MSRB3: variants seen among roughly 807,000 people sequenced by gnomAD.
MSRB3 encodes the protein methionine-R-sulfoxide reductase B3.
In MSRB3, 13 loss-of-function variants were observed where a neutral mutation model predicts 21.0. That is an observed-to-expected ratio of 0.62 (90% CI 0.40 to 0.98). MSRB3 has a LOEUF of 0.98. MSRB3 is among the 50% of genes least tolerant of loss of function. MSRB3 has a pLI of 0.00. For synonymous variants in MSRB3, 87 were observed against 88.6 expected (o/e 0.98, Z 0.10); for missense variants, 199 against 230.3 (o/e 0.86, Z 0.88).
chr12:65,323,576 G>A (rs1039940815), intron 2 of MSRB3, among the ~76,000 whole-genome samples: 18 of 152,274 alleles, frequency 1.2e-4, no homozygotes, highest in African/African-American at 4.1e-4. Context: ...CAATTTAGAG[G>A]TCATTGAACA....
At chr12:65,374,188 T>C (rs1232446420) in intron 5 of MSRB3, among the ~76,000 whole-genome samples, 1 of 152,202 alleles carries the variant, frequency 6.6e-6, no homozygotes, top group East Asian at 1.9e-4. Flanking sequence ...AAATTTCTTA[T>C]TTTAAACTCA....
chr12:65,389,228 A>G (rs1452686716), intron 5 of MSRB3, among the ~76,000 whole-genome samples: 2 of 152,078 alleles, frequency 1.3e-5, no homozygotes, highest in African/African-American at 4.8e-5. Flanking sequence ...CTTTCTTACT[A>G]TCCTCACAGT....
At chr12:65,410,653 A>G (rs559099491) in intron 5 of MSRB3, among the ~76,000 whole-genome samples, 5 of 152,028 alleles carry the variant, frequency 3.3e-5, no homozygotes, top group Admixed American at 2.6e-4. Flanking sequence ...CAAAAAAGAA[A>G]CCCCAGCTCA....
rs1003298417 is a variant in MSRB3, at chr12:65,465,996, C to T, written c.*2674C>T. On this transcript the variant is annotated 3_prime_UTR_variant, in exon 7 of 7. Coordinates refer to ENST00000308259, the MANE Select transcript of MSRB3 (RefSeq NM_001031679.3). The stretch of plus-strand genomic sequence containing the variant: ...ATAGCCTCCCCTGGGGTCCGTGGGA[C>T]GCGGGCCACAGTGTTGAGGTAGACA... The T allele has an allele frequency of 3.3e-5, 5 of 152,110 alleles. No homozygotes were observed. Among genetic ancestry groups the T allele is most frequent in the Admixed American group, 6.6e-5 (1 of 15,262 alleles). The allele number at this position is 152,110 out of a possible 1,614,324, so 9.4% of individuals were successfully genotyped here.
At chr12:65,399,646 G>C (rs1380917948) in intron 5 of MSRB3, among the ~76,000 whole-genome samples, 1 of 152,128 alleles carries the variant, frequency 6.6e-6, no homozygotes, top group Non-Finnish European at 1.5e-5. Flanking sequence ...ATGTTGAATA[G>C]GAATGGTGAG....
At chr12:65,332,519 G>A (rs1472973227) in intron 4 of MSRB3, among the ~76,000 whole-genome samples, 1 of 152,100 alleles carries the variant, frequency 6.6e-6, no homozygotes, top group East Asian at 1.9e-4. Flanking sequence ...AAAGCATTAG[G>A]AGATATATTT....
In MSRB3 at chr12:65,419,155, A is replaced by G. The variant is rs374344441; in HGVS notation, c.293-34573A>G. ...TGAGAGCATCATCTCAACAGCTCCA[A>G]CCTTGGCCAACTGCATGGTGACCAC... On this transcript the variant is annotated intron_variant, in intron 5 of 6. Transcript: ENST00000308259. 4.4e-6 allele frequency: 3 copies of G among 684,374 alleles called. No individual in the cohort carries two copies. In the Admixed American group the frequency reaches 6.1e-5, roughly 14 times the overall value. 42.4% of individuals were successfully genotyped at this position (684,374 alleles called of 1,614,324 possible).
rs372782962 is a variant in MSRB3, at chr12:65,288,506, G to A, written c.-52+9641G>A. Among the ~76,000 whole-genome samples the A allele has an allele frequency of 7.2e-5, 11 of 152,184 alleles. No individual in the cohort carries two copies. In the East Asian group the frequency reaches 2.1e-3, roughly 29 times the overall value. On this transcript the variant is annotated intron_variant, in intron 1 of 6. Coordinates refer to ENST00000308259, the MANE Select transcript of MSRB3 (RefSeq NM_001031679.3). Reference sequence around the variant, plus strand: ...TAAGATCTTATGTTTGAACTTCGTAGCCTAGTGTGCCCAGTAATTTGAGCT... The same window carrying A: ...TAAGATCTTATGTTTGAACTTCGTAACCTAGTGTGCCCAGTAATTTGAGCT...
chr12:65,390,302 A>T (rs1879407889), intron 5 of MSRB3, among the ~76,000 whole-genome samples: 1 of 152,038 alleles, frequency 6.6e-6, no homozygotes, highest in Admixed American at 6.6e-5. Context: ...TCCTCTTCTA[A>T]CTCTTATCTC....
intron 5 of MSRB3, among the ~76,000 whole-genome samples, chr12:65,390,458 A>G (rs529487827): frequency 8.5e-5 from 13 of 152,324 alleles, no homozygotes; most frequent in African/African-American, 2.9e-4. Flanking sequence ...TAGCCTCACT[A>G]TTACTCATAG....
chr12:65,320,218 A>G (rs1475804257), intron 2 of MSRB3, among the ~76,000 whole-genome samples: 2 of 152,220 alleles, frequency 1.3e-5, no homozygotes, highest in African/African-American at 4.8e-5. Context: ...TCTTACATAT[A>G]GAAAAGAACA....
intron 5 of MSRB3, among the ~76,000 whole-genome samples, chr12:65,402,128 T>C (rs1880161190): frequency 1.3e-5 from 2 of 152,334 alleles, no homozygotes; most frequent in Admixed American, 1.3e-4. Flanking sequence ...TGTGGTGTTC[T>C]CTGTATTTCC....
At chr12:65,350,965 A>G (rs1158612457) in intron 4 of MSRB3, among the ~76,000 whole-genome samples, 2 of 149,208 alleles carry the variant, frequency 1.3e-5, no homozygotes, top group Non-Finnish European at 3.0e-5. Context: ...AGCGGACCTA[A>G]TAGACATCTA....
chr12:65,448,422 A>T (rs1485131423), intron 5 of MSRB3, among the ~76,000 whole-genome samples: 22 of 152,242 alleles, frequency 1.4e-4, no homozygotes, highest in Non-Finnish European at 3.2e-4. Context: ...GAAATTAAAA[A>T]TAACCTGAGT....
At chr12:65,377,983 C>A (rs1592580850) in intron 5 of MSRB3, among the ~76,000 whole-genome samples, 1 of 152,172 alleles carries the variant, frequency 6.6e-6, no homozygotes, top group Non-Finnish European at 1.5e-5. Flanking sequence ...TGGAGGAGAT[C>A]CACGCAGGAG....
chr12:65,380,689 G>A (rs1312596227), intron 5 of MSRB3, among the ~76,000 whole-genome samples: 3 of 152,112 alleles, frequency 2.0e-5, no homozygotes, highest in Non-Finnish European at 4.4e-5. Flanking sequence ...TGTACTAAGT[G>A]TTTAATATTT....
At chr12:65,453,341 G>A (rs894332637) in intron 5 of MSRB3, among the ~76,000 whole-genome samples, 3 of 152,112 alleles carry the variant, frequency 2.0e-5, no homozygotes, top group Non-Finnish European at 4.4e-5. Flanking sequence ...CAGACCAATT[G>A]ATTGTGTTTT....
At chr12:65,341,431 G>T (rs1459215539) in intron 4 of MSRB3, among the ~76,000 whole-genome samples, 1 of 151,798 alleles carries the variant, frequency 6.6e-6, no homozygotes, top group Non-Finnish European at 1.5e-5. Context: ...GGGAAGGGAG[G>T]ATGGTTAACG....
At chr12:65,341,399 A>T (rs991227356) in intron 4 of MSRB3, among the ~76,000 whole-genome samples, 1 of 152,050 alleles carries the variant, frequency 6.6e-6, no homozygotes, top group Admixed American at 6.6e-5. Flanking sequence ...AAGGATGGTT[A>T]CCAGAGGCTG....
Sources: allele counts gnomAD v4.1 joint callset (sites outside exome capture counted in the v4.1 genomes callset), GRCh38; gene constraint gnomAD v4.1.1; transcripts MANE v1.5; gene names NCBI Gene and HGNC (gene_info 2026-07-23, HGNC 2026-07-21).